Variants in MORC3 observed in about 807,000 individuals in gnomAD.
MORC3 encodes MORC family CW-type zinc finger protein 3.
MORC3 carries 31 observed loss-of-function variants against 109.1 expected under a neutral mutation model. That is an observed-to-expected ratio of 0.28 (90% confidence interval 0.21 to 0.38). MORC3 has a LOEUF of 0.38. MORC3 is among the 10% of genes least tolerant of loss of function. MORC3 has a pLI of 1.00. For synonymous variants in MORC3, 395 were observed against 380.7 expected, an observed-to-expected ratio of 1.04 and a Z score of -0.44; for missense variants, 867 against 1,135.8, an observed-to-expected ratio of 0.76 and a Z score of 3.40.
At chr21:36,324,847 A>C (rs2085231877) in intron 1 of MORC3, among the ~76,000 whole-genome samples, 2 of 151,640 alleles carry the variant, frequency 1.3e-5, no homozygotes. Flanking sequence ...AGCTGGGATT[A>C]CAGGCATGCG....
intron 1 of MORC3, among the ~76,000 whole-genome samples, chr21:36,328,193 T>G (rs1253832386): frequency 2.6e-5 from 4 of 151,968 alleles, no homozygotes; most frequent in Non-Finnish European, 4.4e-5. Context: ...TATTTTTTAT[T>G]TCACATTTAC....
intron 8 of MORC3, 87 bp from the exon 9 acceptor site, chr21:36,349,224 A>T: frequency 1.2e-6 from 1 of 829,092 alleles, no homozygotes; most frequent in East Asian, 2.8e-5. Flanking sequence ...AAATATAGAA[A>T]AATATACAAA....
intron 1 of MORC3, among the ~76,000 whole-genome samples, chr21:36,327,491 A>G (rs1246450731): frequency 2.6e-5 from 4 of 151,278 alleles, no homozygotes; most frequent in Admixed American, 2.6e-4. Context: ...CTTCTTCCAT[A>G]AAATACAGTA....
chr21:36,369,378 C>G lies in MORC3; in HGVS notation c.2010C>G (p.Ser670=), dbSNP rs2085823643. 1 of 1,614,048 alleles carries G rather than the reference C, an allele frequency of 6.2e-7. No individual in the cohort carries two copies. Among genetic ancestry groups the G allele is most frequent in the Non-Finnish European group, 8.5e-7 (1 of 1,180,028 alleles). The change falls in exon 15 of 17, where the codon TCC becomes TCG. Residue 670 remains serine (S), a synonymous_variant. Transcript: ENST00000400485. ...GAAATGATGCAGTGATTCTGCCCTC[C>G]TGTGTAGAAGCTGAAGCAAAGATAC... ...DVRNDAVILP[S]CVEAEAKIHE...
intron 16 of MORC3, among the ~76,000 whole-genome samples, chr21:36,374,540 A>G (rs1259704111): frequency 6.6e-6 from 1 of 151,872 alleles, no homozygotes; most frequent in Non-Finnish European, 1.5e-5. Flanking sequence ...CATGCCTGTA[A>G]TCCCAGCACT....
intron 15 of MORC3, among the ~76,000 whole-genome samples, 157 bp downstream of exon 15, chr21:36,370,033 A>C (rs1367137515): frequency 6.6e-6 from 1 of 152,156 alleles, no homozygotes; most frequent in African/African-American, 2.4e-5. Flanking sequence ...GGAGTTCGAG[A>C]CCAGCCTGGA....
intron 9 of MORC3, among the ~76,000 whole-genome samples, chr21:36,353,138 C>T (rs2058167170): frequency 6.6e-6 from 1 of 150,570 alleles, no homozygotes. Context: ...GTGGGCGGAT[C>T]ACGAGGTCAG....
chr21:36,352,986 A>AG (rs2085591145), intron 9 of MORC3, among the ~76,000 whole-genome samples: 3 of 148,650 alleles, frequency 2.0e-5, no homozygotes, highest in South Asian at 4.1e-4. Flanking sequence ...AAAAAAAAAA[A>AG]GAAAACCATC....
intron 15 of MORC3, among the ~76,000 whole-genome samples, chr21:36,371,712 G>C (rs1442467270): frequency 1.3e-5 from 2 of 151,572 alleles, no homozygotes; most frequent in East Asian, 3.9e-4. Flanking sequence ...ACTCATTATT[G>C]TAACTTAATT....
chr21:36,355,409 A>G (rs1301449144), intron 9 of MORC3, among the ~76,000 whole-genome samples: 3 of 152,158 alleles, frequency 2.0e-5, no homozygotes, highest in Non-Finnish European at 4.4e-5. Flanking sequence ...TTTCTCATCC[A>G]GGCCTTCTAT....
At chr21:36,359,747 G>T (rs1319612281) in intron 10 of MORC3, among the ~76,000 whole-genome samples, 1 of 151,862 alleles carries the variant, frequency 6.6e-6, no homozygotes, top group Middle Eastern at 3.4e-3. Flanking sequence ...TAGAGACAGG[G>T]TTTCACCATG....
At chr21:36,356,331 A>T (rs1284977791) in intron 9 of MORC3, among the ~76,000 whole-genome samples, 1 of 152,186 alleles carries the variant, frequency 6.6e-6, no homozygotes, top group Non-Finnish European at 1.5e-5. Flanking sequence ...TTCATGACAT[A>T]TCTAACTTAT....
chr21:36,341,298 A>T (rs1043900562), intron 5 of MORC3, 101 bp from the exon 6 acceptor site: 2 of 1,105,264 alleles, frequency 1.8e-6, no homozygotes, highest in African/African-American at 1.6e-5. Context: ...CACCATGTGT[A>T]GGTTTATTTA....
intron 9 of MORC3, among the ~76,000 whole-genome samples, chr21:36,353,205 A>G (rs1278958126): frequency 6.7e-6 from 1 of 148,994 alleles, no homozygotes; most frequent in African/African-American, 2.5e-5. Flanking sequence ...AAAAATACAA[A>G]AATTAGCTGG....
intron 1 of MORC3, among the ~76,000 whole-genome samples, chr21:36,324,555 G>A (rs1487259321): frequency 6.6e-6 from 1 of 152,126 alleles, no homozygotes; most frequent in Non-Finnish European, 1.5e-5. Flanking sequence ...GGGATTACAG[G>A]CGTGAGCCAC....
At chr21:36,325,565 T>G (rs1439677101) in intron 1 of MORC3, among the ~76,000 whole-genome samples, 1 of 152,238 alleles carries the variant, frequency 6.6e-6, no homozygotes, top group African/African-American at 2.4e-5. Context: ...TCCAGAACTC[T>G]TCTTGTTGGG....
intron 1 of MORC3, among the ~76,000 whole-genome samples, chr21:36,323,497 A>C (rs911700535): frequency 3.5e-4 from 54 of 152,286 alleles, no homozygotes; most frequent in African/African-American, 1.2e-3. Context: ...GGTGGAGAAT[A>C]TCCACCACTA....
Position 36,337,883 on chromosome 21 carries a change from A to T in MORC3, c.397A>T (p.Thr133Ser). 6.2e-7 allele frequency: 1 copy of T among 1,614,190 alleles called. No homozygotes were observed. Among genetic ancestry groups the T allele is most frequent in the East Asian group, 2.2e-5 (1 of 44,880 alleles). ...CATGAGCGTGGGCCTTTTGTCTCAG[A>T]CCTACTTGGAAGTCATAAAAGCGGA... ...ESMSVGLLSQ[T>S]YLEVIKAEHV... Residue 133 changes from threonine to serine, a missense_variant, in exon 4 of 17, where the codon ACC becomes TCC. Physicochemically the swap from Thr to Ser is moderately conservative, Grantham distance 58 (BLOSUM62 1). Around this residue, in one of 7 missense-constraint regions of MORC3, gnomAD observed 134 missense variants for 166.6 expected, o/e 0.80. Coordinates refer to ENST00000400485, the MANE Select transcript of MORC3 (RefSeq NM_015358.3).
chr21:36,367,183 A>G (rs148742098), intron 14 of MORC3, among the ~76,000 whole-genome samples: 119 of 152,358 alleles, frequency 7.8e-4, no homozygotes, highest in African/African-American at 2.6e-3. Context: ...CTGAAGATGT[A>G]CATGAGCCAT....
Sources: allele counts gnomAD v4.1 joint callset (sites outside exome capture counted in the v4.1 genomes callset), GRCh38; gene constraint gnomAD v4.1.1; regional missense constraint gnomAD v4.1.1; transcripts MANE v1.5; gene names NCBI Gene and HGNC (gene_info 2026-07-23, HGNC 2026-07-21).